The following DOCK9 variants were observed in gnomAD, a reference collection of about 807,000 sequenced individuals.
The protein encoded by DOCK9 is dedicator of cytokinesis protein 9.
Under a neutral mutation model 263.3 loss-of-function variants are expected in DOCK9, and 89 were observed. The observed-to-expected ratio is 0.34, with a 90% confidence interval of 0.28 to 0.40. DOCK9 has a LOEUF of 0.40. Among genes scored for constraint, DOCK9 ranks in the 10% least tolerant of loss-of-function variants. The pLI, the probability that DOCK9 is intolerant of heterozygous loss-of-function variation, is 1.00. For missense variants in DOCK9, 2,140 were observed against 2,603.4 expected (o/e 0.82, Z 3.87); for synonymous variants, 976 against 973.1 (o/e 1.00, Z -0.06).
At chr13:99,075,965 C>T (rs2041894098) in intron 1 of DOCK9, among the ~76,000 whole-genome samples, 2 of 152,142 alleles carry the variant, frequency 1.3e-5, no homozygotes, top group Admixed American at 1.3e-4. Context: ...CTTCCAGTGT[C>T]ATCACACCCA....
At chr13:98,835,983 G>A (rs1452454371) in intron 39 of DOCK9, among the ~76,000 whole-genome samples, 2 of 152,164 alleles carry the variant, frequency 1.3e-5, no homozygotes, top group Non-Finnish European at 2.9e-5. Flanking sequence ...TGATCCGCCT[G>A]CCTTGGCCTC....
At chr13:99,045,742 T>C (rs1296261783) in intron 1 of DOCK9, among the ~76,000 whole-genome samples, 3 of 151,916 alleles carry the variant, frequency 2.0e-5, no homozygotes, top group African/African-American at 4.8e-5. Context: ...AATGCATATA[T>C]AAAAAGAGAT....
Position 98,809,347 on chromosome 13 carries a change from C to T in DOCK9, c.5367+5G>A. On this transcript the variant is annotated splice_donor_5th_base_variant and intron_variant, in intron 47 of 52. Transcript: ENST00000682017. Reference sequence around the variant, plus strand: ...GACAGTCTGCAGAATGGACAGGAGGCTCACCTGCCCGAAGAAGGCTACCCG... The same window carrying T: ...GACAGTCTGCAGAATGGACAGGAGGTTCACCTGCCCGAAGAAGGCTACCCG... 2 of 1,611,284 alleles carry T rather than the reference C, an allele frequency of 1.2e-6. No individual in the cohort carries two copies. The highest frequency in any genetic ancestry group is 1.7e-6 in the Non-Finnish European group (2 of 1,178,028).
At chr13:98,918,513 A>C (rs1242402684) in intron 7 of DOCK9, among the ~76,000 whole-genome samples, 1 of 152,230 alleles carries the variant, frequency 6.6e-6, no homozygotes, top group Admixed American at 6.5e-5. Context: ...TCAAGACACA[A>C]CAACCAAAAT....
intron 27 of DOCK9, among the ~76,000 whole-genome samples, chr13:98,869,518 A>T (rs1459277752): frequency 6.6e-6 from 1 of 152,244 alleles, no homozygotes; most frequent in African/African-American, 2.4e-5. Context: ...AGCCTGAAGT[A>T]GGAAGGATGC....
chr13:99,068,116 C>T (rs1182299989), intron 1 of DOCK9, among the ~76,000 whole-genome samples: 6 of 152,140 alleles, frequency 3.9e-5, no homozygotes, highest in African/African-American at 1.4e-4. Flanking sequence ...TGACTATCCT[C>T]AATTCAAGAA....
At chr13:98,930,451 T>G (rs936772550) in intron 2 of DOCK9, among the ~76,000 whole-genome samples, 194 bp from the exon 3 acceptor site, 1 of 152,184 alleles carries the variant, frequency 6.6e-6, no homozygotes, top group Non-Finnish European at 1.5e-5. Flanking sequence ...AAAGCCAGGC[T>G]GGGTTACAGC....
intron 1 of DOCK9, among the ~76,000 whole-genome samples, chr13:99,046,795 T>C (rs939814461): frequency 6.6e-6 from 1 of 152,266 alleles, no homozygotes; most frequent in Admixed American, 6.5e-5. Context: ...ATCTAACTCC[T>C]GACCTCTTAA....
At chr13:99,078,112 T>G (rs925490874) in intron 1 of DOCK9, among the ~76,000 whole-genome samples, 1 of 152,060 alleles carries the variant, frequency 6.6e-6, no homozygotes, top group African/African-American at 2.4e-5. Flanking sequence ...CAATTTATGT[T>G]TCATAGATGC....
chr13:99,049,833 G>T (rs2040605442), intron 1 of DOCK9, among the ~76,000 whole-genome samples: 1 of 152,128 alleles, frequency 6.6e-6, no homozygotes, highest in Non-Finnish European at 1.5e-5. Context: ...CTAAATTTTT[G>T]AAAGCAGGAC....
In DOCK9 at chr13:98,867,916, C is replaced by G; in HGVS notation, c.3174+12G>C. The G allele has an allele frequency of 6.2e-7, 1 of 1,611,712 alleles. No homozygotes were observed. Among genetic ancestry groups the G allele is most frequent in the Non-Finnish European group, 8.5e-7 (1 of 1,178,704 alleles). ...TGGTGACTTCTGTTACCAGTAACAA[C>G]CCCCGCACTACCTTTGGGTCTCCAG... On this transcript the variant is annotated intron_variant, in intron 29 of 52. Coordinates refer to ENST00000682017, the MANE Select transcript of DOCK9 (RefSeq NM_001366683.2).
intron 13 of DOCK9, among the ~76,000 whole-genome samples, chr13:98,900,893 A>T (rs1019079112): frequency 6.6e-5 from 10 of 152,216 alleles, no homozygotes; most frequent in Non-Finnish European, 1.5e-4. Context: ...TCTGAATCCA[A>T]CTTAGTAAAC....
At chr13:98,915,778 ACCT>A (rs2050798447) in intron 7 of DOCK9, among the ~76,000 whole-genome samples, 1 of 151,950 alleles carries the variant, frequency 6.6e-6, no homozygotes, top group Non-Finnish European at 1.5e-5. Context: ...GTGGAATGAA[ACCT>A]CCTCAGTGCT....
chr13:98,807,719 T>C lies in DOCK9; in HGVS notation c.5456A>G (p.Lys1819Arg), dbSNP rs1418252702. ...AGAACCAAATTTATCCGAGTACAGT[T>C]TAAGGAGTCTCTGAGAAATTTCCGA... ...PLSEISQRLL[K>R]LYSDKFGSEN... Residue 1819 changes from lysine (K) to arginine (R), a missense_variant, in exon 48 of 53, where the codon AAA becomes AGA. Around this residue, in one of 2 missense-constraint regions of DOCK9, gnomAD observed 619 missense variants for 861.8 expected, o/e 0.72. Coordinates refer to ENST00000682017, the MANE Select transcript of DOCK9 (RefSeq NM_001366683.2). The C allele has an allele frequency of 9.9e-6, 16 of 1,613,762 alleles. No homozygotes were observed. The highest frequency in any genetic ancestry group is 1.4e-5 in the Non-Finnish European group (16 of 1,179,794).
chr13:98,836,568 GC>G (rs994076981), intron 39 of DOCK9, among the ~76,000 whole-genome samples: 1 of 152,098 alleles, frequency 6.6e-6, no homozygotes, highest in African/African-American at 2.4e-5. Context: ...TGTAGTAGAG[GC>G]TCCAGGTAAT....
At chr13:99,060,591 G>A (rs1566371654) in intron 1 of DOCK9, among the ~76,000 whole-genome samples, 1 of 152,166 alleles carries the variant, frequency 6.6e-6, no homozygotes, top group African/African-American at 2.4e-5. Flanking sequence ...AGCAATGTAT[G>A]ACGGTTCAAA....
At chr13:98,839,580 G>A (rs1239881558) in intron 38 of DOCK9, among the ~76,000 whole-genome samples, 1 of 152,212 alleles carries the variant, frequency 6.6e-6, no homozygotes, top group East Asian at 1.9e-4. Context: ...ATTTTAACAA[G>A]GAACTGGCTT....
At chr13:98,951,852 TCCTGTC>T (rs1246049180) in intron 2 of DOCK9, among the ~76,000 whole-genome samples, 1 of 151,622 alleles carries the variant, frequency 6.6e-6, no homozygotes, top group African/African-American at 2.4e-5. Flanking sequence ...CCCATGGCAT[TCCTGTC>T]CCTGGCCATG....
chr13:98,839,671 T>C (rs1255558211), intron 38 of DOCK9, among the ~76,000 whole-genome samples: 1 of 152,246 alleles, frequency 6.6e-6, no homozygotes, highest in Non-Finnish European at 1.5e-5. Flanking sequence ...TAGGTGATGA[T>C]TACCAATGAG....
Sources: allele counts gnomAD v4.1 joint callset (sites outside exome capture counted in the v4.1 genomes callset), GRCh38; gene constraint gnomAD v4.1.1; regional missense constraint gnomAD v4.1.1; transcripts MANE v1.5; gene names NCBI Gene and HGNC (gene_info 2026-07-23, HGNC 2026-07-21).